MOGAT3: variants seen among roughly 807,000 people sequenced by gnomAD.
MOGAT3 encodes 2-acylglycerol O-acyltransferase 3.
Under a neutral mutation model 34.4 loss-of-function variants are expected in MOGAT3, and 39 were observed. The ratio of observed to expected loss-of-function variants is 1.13; its 90% confidence interval spans 0.88 to 1.48. The LOEUF is 1.48. Ranked by LOEUF, MOGAT3 falls within the 40% of genes most tolerant of loss-of-function variation. The probability of loss-of-function intolerance (pLI) is 0.00; values close to 1 mark genes in which losing one functional copy is unlikely to be tolerated. For synonymous variants in MOGAT3, 209 were observed against 179.2 expected (o/e 1.17, Z -1.33); for missense variants, 439 against 438.9 (o/e 1.00, Z 0.00).
At chr7:101,199,614 CTT>C (rs71126387) in intron 3 of MOGAT3, among the ~76,000 whole-genome samples, 16,450 of 116,436 alleles carry the variant, frequency 0.14, 1,264 homozygotes, top group Middle Eastern at 0.18. Context: ...CCACAACCGC[CTT>C]TTTTTTTTTT....
At chr7:101,199,614 CTTT>C (rs71126387) in intron 3 of MOGAT3, among the ~76,000 whole-genome samples, 45 of 116,362 alleles carry the variant, frequency 3.9e-4, no homozygotes, top group Non-Finnish European at 3.5e-4. Flanking sequence ...CCACAACCGC[CTTT>C]TTTTTTTTTT....
chr7:101,196,380 C>T lies in MOGAT3; in HGVS notation c.678G>A (p.Leu226=). 6.2e-7 allele frequency: 1 copy of T among 1,609,740 alleles called. No homozygotes were observed. The highest frequency in any genetic ancestry group is 8.5e-7 in the Non-Finnish European group (1 of 1,177,640). Residue 226 remains leucine, a synonymous_variant, in exon 6 of 7, where the codon CTG becomes CTA. Coordinates refer to ENST00000223114, the MANE Select transcript of MOGAT3 (RefSeq NM_178176.4). ...VRLALRHGAS[L]VPVYSFGEND... is the part of the protein sequence containing the mutation. The stretch of plus-strand genomic sequence containing the variant: ...TCTCCCCAAAGGAGTACACGGGCAC[C>T]AGGGACGCCCTGGGAAGGAGCAAGA...
In MOGAT3 at chr7:101,198,318, G is replaced by C; in HGVS notation, c.541C>G (p.Pro181Ala). The C allele has an allele frequency of 6.3e-7, 1 of 1,590,920 alleles. No homozygotes were observed. The highest frequency in any genetic ancestry group is 8.6e-7 in the Non-Finnish European group (1 of 1,167,158). ...ATGACCACGGCCTGCCCGAGCTGGG[G>C]CTGGGACAGGATGAAGTCCAGGCTC... The part of the protein sequence containing the change: ...RQSLDFILSQ[P>A]QLGQAVVIMV... The change falls in exon 5 of 7, where the codon CCC (proline) becomes GCC (alanine). Residue 181 changes from proline (P) to alanine (A), a missense_variant. By Grantham distance (27) the Pro-to-Ala change is conservative (BLOSUM62 -1). Transcript: ENST00000223114.
chr7:101,194,223 T>C (rs986730822), downstream of MOGAT3, among the ~76,000 whole-genome samples: 1 of 151,886 alleles, frequency 6.6e-6, no homozygotes, highest in Admixed American at 6.6e-5. Flanking sequence ...GTTTCACTCT[T>C]GTTGCCCAGG....
intron 3 of MOGAT3, 134 bp from the exon 4 acceptor site, chr7:101,198,964 G>C: frequency 1.5e-6 from 1 of 684,376 alleles, no homozygotes; most frequent in Non-Finnish European, 2.5e-6. Flanking sequence ...GCAGAGTTCC[G>C]AGTTAAAGGT....
At chr7:101,196,845 G>C (rs1404411132) in intron 5 of MOGAT3, among the ~76,000 whole-genome samples, 2 of 152,096 alleles carry the variant, frequency 1.3e-5, no homozygotes, top group Non-Finnish European at 2.9e-5. Flanking sequence ...CTTCAGTCTG[G>C]GTGACAGAGT....
chr7:101,198,390 T>C (rs745971217), intron 4 of MOGAT3, 25 bp from the exon 5 acceptor site: 1 of 1,524,948 alleles, frequency 6.6e-7, no homozygotes, highest in Non-Finnish European at 8.8e-7. Context: ...AGGTGGAAAG[T>C]AGTTCCCATC....
Position 101,196,223 on chromosome 7 carries a change from C to T in MOGAT3, c.835G>A (p.Gly279Ser). Residue 279 changes from glycine (G) to serine (S), a missense_variant, in exon 6 of 7, where the codon GGC becomes AGC. Coordinates refer to ENST00000223114, the MANE Select transcript of MOGAT3 (RefSeq NM_178176.4). ...ATGGGCACAGCAAAGGGCAGCAGGC[C>T]CCAGGAGGTGGCTGAGAAGAGACCG... ...GRGLFSATSWGLLPFAVPITT... is the reference protein window; with the variant it reads ...GRGLFSATSWSLLPFAVPITT... 3 of 1,588,420 alleles carry T rather than the reference C, an allele frequency of 1.9e-6. No individual in the cohort carries two copies. Among genetic ancestry groups the T allele is most frequent in the East Asian group, 4.6e-5 (2 of 43,822 alleles).
downstream of MOGAT3, among the ~76,000 whole-genome samples, chr7:101,194,735 T>A (rs1797739980): frequency 2.0e-5 from 3 of 151,860 alleles, no homozygotes; most frequent in Admixed American, 2.0e-4. Context: ...TCTCCTGACC[T>A]CGTGATCCGC....
At position 101,195,791 on chromosome 7, in the gene MOGAT3, G is replaced by T. The variant is rs1797759574; in HGVS notation, c.*155C>A. 2 of 755,336 alleles carry T rather than the reference G, an allele frequency of 2.6e-6. No individual in the cohort carries two copies. Among genetic ancestry groups the T allele is most frequent in the Admixed American group, 5.1e-5 (2 of 39,100 alleles). 46.8% of individuals were successfully genotyped at this position (755,336 alleles called of 1,614,324 possible). A position where few individuals can be genotyped will look rare whatever the true frequency, so the allele number is the denominator to read the frequency against. On this transcript the variant is annotated 3_prime_UTR_variant, in exon 7 of 7. Transcript: ENST00000223114. ...TGGTCTTCAACTCCTGGGCTCAAACGATCCTCCCACCTTGGCCTCCCAAAG... is the reference window on the plus strand; with the variant it reads ...TGGTCTTCAACTCCTGGGCTCAAACTATCCTCCCACCTTGGCCTCCCAAAG...
rs754645953 is a variant in MOGAT3, at chr7:101,195,880, A to T, written c.*66T>A. Reference sequence around the variant, plus strand: ...GAACTACCTTTTATTGGAGGCATGGAGTCCACAGTGGGTGGAGGTCTCAGT... The same window carrying T: ...GAACTACCTTTTATTGGAGGCATGGTGTCCACAGTGGGTGGAGGTCTCAGT... On this transcript the variant is annotated 3_prime_UTR_variant, in exon 7 of 7. Coordinates refer to ENST00000223114, the MANE Select transcript of MOGAT3 (RefSeq NM_178176.4). 5 of 1,530,586 alleles carry T rather than the reference A, an allele frequency of 3.3e-6. No individual in the cohort carries two copies. Among genetic ancestry groups the T allele is most frequent in the Non-Finnish European group, 4.5e-6 (5 of 1,107,756 alleles). The allele number at this position is 1,530,586 out of a possible 1,614,324, so 94.8% of individuals were successfully genotyped here.
chr7:101,200,546 A>G (rs1242599334), intron 1 of MOGAT3, 31 bp from the exon 2 acceptor site: 2 of 1,503,054 alleles, frequency 1.3e-6, no homozygotes, highest in Admixed American at 2.0e-5. Context: ...AAAAGAGTTC[A>G]CTTCTGAAAC....
In MOGAT3 at chr7:101,200,286, C is replaced by T. The variant is rs1797917437; in HGVS notation, c.236G>A (p.Trp79Ter). 3.1e-6 allele frequency: 5 copies of T among 1,614,034 alleles called. No individual in the cohort carries two copies. Among genetic ancestry groups the T allele is most frequent in the Admixed American group, 1.7e-5 (1 of 60,006 alleles). The change falls in exon 3 of 7, where the codon TGG becomes TAG. Residue 79 changes from tryptophan (W) to a stop codon, truncating the protein, a stop_gained. Transcript: ENST00000223114. LOFTEE classifies it high-confidence loss of function. ...TCTCCAAATTGCCCGGTTCCTTATC[C>T]ACTCCGAACGCCTTCCACCTGCGGA... ...TPNQGGRRSEWIRNRAIWRQL... is the reference protein window; with the variant it reads ...TPNQGGRRSE
In MOGAT3 at chr7:101,198,848, G is replaced by T; in HGVS notation, c.289-18C>A. On this transcript the variant is annotated intron_variant, in intron 3 of 6. Transcript: ENST00000223114. ...TTCACCAGCTTCGGGGTGTTGAGCA[G>T]GATGAAGGGAGGATGGAAGGCAAGA... 2 of 1,612,238 alleles carry T rather than the reference G, an allele frequency of 1.2e-6. No homozygotes were observed. Among genetic ancestry groups the T allele is most frequent in the Non-Finnish European group, 1.7e-6 (2 of 1,178,540 alleles).
Position 101,200,753 on chromosome 7 carries a change from G to A in MOGAT3, c.102C>T (p.Leu34=). ...VGAYQYVLTF[L]FMGPFFSLLV... Reference sequence around the variant, plus strand: ...CGCCTCCCCAGCTCTCACCCATGAAGAGGAAAGTGAGCACATATTGGTAGG... The same window carrying A: ...CGCCTCCCCAGCTCTCACCCATGAAAAGGAAAGTGAGCACATATTGGTAGG... Residue 34 remains leucine, a synonymous_variant, in exon 1 of 7, where the codon CTC becomes CTT. Transcript: ENST00000223114. 5 of 1,613,782 alleles carry A rather than the reference G, an allele frequency of 3.1e-6. No individual in the cohort carries two copies. Among genetic ancestry groups the A allele is most frequent in the Non-Finnish European group, 4.2e-6 (5 of 1,179,760 alleles).
Position 101,195,862 on chromosome 7 carries a change from C to G in MOGAT3, c.*84G>C. On this transcript the variant is annotated 3_prime_UTR_variant, in exon 7 of 7. Coordinates refer to ENST00000223114, the MANE Select transcript of MOGAT3 (RefSeq NM_178176.4). ...GGCACTGCGCTGGGCCCAGAACTAC[C>G]TTTTATTGGAGGCATGGAGTCCACA... 6.7e-7 allele frequency: 1 copy of G among 1,482,436 alleles called. No individual in the cohort carries two copies. Among genetic ancestry groups the G allele is most frequent in the Non-Finnish European group, 9.3e-7 (1 of 1,070,944 alleles). 91.8% of individuals were successfully genotyped at this position (1,482,436 alleles called of 1,614,324 possible).
chr7:101,198,098 C>T (rs1290675355), intron 5 of MOGAT3, 93 bp downstream of exon 5: 4 of 1,420,402 alleles, frequency 2.8e-6, no homozygotes, highest in South Asian at 2.7e-5. Context: ...TCTGGGCACC[C>T]GGATCCCCCA....
chr7:101,198,369 T>C lies in MOGAT3; in HGVS notation c.494-4A>G, dbSNP rs1376481763. 1 of 1,536,470 alleles carries C rather than the reference T, an allele frequency of 6.5e-7. No homozygotes were observed. Among genetic ancestry groups the C allele is most frequent in the South Asian group, 1.3e-5 (1 of 79,172 alleles). On this transcript the variant is annotated splice_region_variant and splice_polypyrimidine_tract_variant and intron_variant, in intron 4 of 6. Coordinates refer to ENST00000223114, the MANE Select transcript of MOGAT3 (RefSeq NM_178176.4). ...TGGCGGCTCACCGGACAGAGTCCTG[T>C]GGGCAGGAGGAGGTGGAAAGTAGTT...
chr7:101,193,485 A>C (rs1797719815), downstream of MOGAT3, among the ~76,000 whole-genome samples: 1 of 151,994 alleles, frequency 6.6e-6, no homozygotes, highest in Non-Finnish European at 1.5e-5. Context: ...GCTGGAGTGC[A>C]GCGGTGCAAT....
Sources: gnomAD v4.1 joint callset for allele counts (sites outside exome capture counted in the v4.1 genomes callset) on GRCh38, gnomAD v4.1.1 for gene constraint, MANE v1.5 for transcripts, NCBI Gene and HGNC (gene_info 2026-07-23, HGNC 2026-07-21) for gene names.